Variants in MAIP1 observed in about 807,000 individuals in gnomAD.
MAIP1 encodes m-AAA protease-interacting protein 1, mitochondrial.
In MAIP1, 28 loss-of-function variants were observed where a neutral mutation model predicts 31.2. That is an observed-to-expected ratio of 0.90 (90% CI 0.67 to 1.23). MAIP1 has a LOEUF of 1.23. MAIP1 is among the 50% of genes most tolerant of loss of function. MAIP1 has a pLI of 0.00. For synonymous variants in MAIP1, 142 were observed against 142.3 expected (o/e 1.00, Z 0.02); for missense variants, 339 against 356.0 (o/e 0.95, Z 0.38).
Position 199,959,822 on chromosome 2 carries a change from C to A in MAIP1, c.591C>A (p.Asn197Lys), listed in dbSNP as rs368436352. Residue 197 changes from asparagine to lysine, a missense_variant, in exon 3 of 5, where the codon AAC becomes AAA. Coordinates refer to ENST00000392290, the MANE Select transcript of MAIP1 (RefSeq NM_001394955.1). ...PDNHKNALAANIDEIVFTSTG... is the reference protein window; with the variant it reads ...PDNHKNALAAKIDEIVFTSTG... ...ACCATAAAAATGCCCTTGCTGCTAA[C>A]ATAGATGAAATTGTATTTACATCAA... is the stretch of plus-strand genomic sequence containing the variant. The A allele has an allele frequency of 6.2e-7, 1 of 1,611,350 alleles. No individual in the cohort carries two copies. The highest frequency in any genetic ancestry group is 8.5e-7 in the Non-Finnish European group (1 of 1,178,030).
At chr2:199,960,159 G>T (rs754624131) in intron 3 of MAIP1, among the ~76,000 whole-genome samples, 1 of 152,088 alleles carries the variant, frequency 6.6e-6, no homozygotes, top group Non-Finnish European at 1.5e-5. Context: ...TGGCTCCCAC[G>T]TCTCAAATAG....
intron 4 of MAIP1, among the ~76,000 whole-genome samples, chr2:199,963,299 A>G (rs2077645860): frequency 6.6e-6 from 1 of 152,190 alleles, no homozygotes; most frequent in East Asian, 1.9e-4. Flanking sequence ...CTAAATTGGT[A>G]ACAGTGCTAT....
At chr2:199,956,765 G>A (rs2077608088) in intron 1 of MAIP1, among the ~76,000 whole-genome samples, 1 of 152,192 alleles carries the variant, frequency 6.6e-6, no homozygotes, top group Non-Finnish European at 1.5e-5. Flanking sequence ...CTTCCTGCCA[G>A]CTATTAGACA....
chr2:199,963,699 G>A, intron 4 of MAIP1, 34 bp from the exon 5 acceptor site: 3 of 1,349,478 alleles, frequency 2.2e-6, no homozygotes, highest in Non-Finnish European at 3.2e-6. Flanking sequence ...TTGGACTGAT[G>A]TAAGATTTAC....
chr2:199,955,611 G>T lies in MAIP1; in HGVS notation c.-188G>T. ...TCCAGAGTGGCTGGGTCCGAGCGCG[G>T]GGCGGGTTGCCGAAGGGCCTCGGCC... On this transcript the variant is annotated 5_prime_UTR_variant, in exon 1 of 5. Transcript: ENST00000392290. 1 of 1,265,584 alleles carries T rather than the reference G, an allele frequency of 7.9e-7. No individual in the cohort carries two copies. The highest frequency in any genetic ancestry group is 1.1e-6 in the Non-Finnish European group (1 of 929,634). 78.4% of individuals were successfully genotyped at this position (1,265,584 alleles called of 1,614,324 possible). A position where few individuals can be genotyped will look rare whatever the true frequency, so the allele number is the denominator to read the frequency against.
At chr2:199,958,834 C>A (rs1397816492) in intron 1 of MAIP1, among the ~76,000 whole-genome samples, 1 of 152,192 alleles carries the variant, frequency 6.6e-6, no homozygotes, top group Non-Finnish European at 1.5e-5. Context: ...ACATTATCTC[C>A]CATACTGAGA....
upstream of MAIP1, chr2:199,955,437 C>G (rs1223780985): frequency 1.2e-6 from 2 of 1,613,952 alleles, no homozygotes; most frequent in South Asian, 1.1e-5. Context: ...GAAACGCCCT[C>G]CAGCCGGGGT....
chr2:199,956,099 A>C lies in MAIP1; in HGVS notation c.301A>C (p.Lys101Gln). Residue 101 changes from lysine to glutamine, a missense_variant, in exon 1 of 5, where the codon AAG (lysine) becomes CAG (glutamine). Transcript: ENST00000392290. ...TCAGCGCAGCTACAGCACGGAGGAGAAGCCCCAGCAGCACCAGAAAACCAA... is the reference window on the plus strand; with the variant it reads ...TCAGCGCAGCTACAGCACGGAGGAGCAGCCCCAGCAGCACCAGAAAACCAA... ...CPQRSYSTEEKPQQHQKTKMI... is the reference protein window; with the variant it reads ...CPQRSYSTEEQPQQHQKTKMI... 1.9e-6 allele frequency: 3 copies of C among 1,614,126 alleles called. No homozygotes were observed. Among genetic ancestry groups the C allele is most frequent in the Non-Finnish European group, 2.5e-6 (3 of 1,179,996 alleles).
rs1574821757 is a variant in MAIP1 at position 199,961,862 on chromosome 2, G to T, written c.731G>T (p.Ser244Ile). 5.6e-6 allele frequency: 9 copies of T among 1,614,018 alleles called. No homozygotes were observed. The highest frequency in any genetic ancestry group is 7.6e-6 in the Non-Finnish European group (9 of 1,179,886). The change falls in exon 4 of 5, where the codon AGT becomes ATT. Residue 244 changes from serine to isoleucine, a missense_variant. By Grantham distance (142) the Ser-to-Ile change is moderately radical (BLOSUM62 -2). Coordinates refer to ENST00000392290, the MANE Select transcript of MAIP1 (RefSeq NM_001394955.1). Reference protein sequence around the residue: ...NIPSETLRGASVFQVKLGNQN... With the variant: ...NIPSETLRGAIVFQVKLGNQN... ...CCCAGTGAAACTTTAAGAGGAGCCA[G>T]TGTATTCCAGGTTAAGTTGGGGAAT...
chr2:199,962,920 A>T (rs1421501870), intron 4 of MAIP1, among the ~76,000 whole-genome samples: 2 of 152,206 alleles, frequency 1.3e-5, no homozygotes, highest in Admixed American at 6.5e-5. Flanking sequence ...TTATTAAAAA[A>T]ATATGTTGCC....
At position 199,955,867 on chromosome 2, in the gene MAIP1, A is replaced by T; in HGVS notation, c.69A>T (p.Arg23=). The change falls in exon 1 of 5, where the codon CGA becomes CGT. Residue 23 remains arginine, a synonymous_variant. Transcript: ENST00000392290. ...HSRSLPCGAV[R]LRTPAVAEVR... ...GGTCGCTGCCCTGCGGGGCCGTCCG[A>T]CTCCGGACTCCTGCTGTGGCCGAGG... 6.5e-7 allele frequency: 1 copy of T among 1,538,834 alleles called. No individual in the cohort carries two copies. The highest frequency in any genetic ancestry group is 1.3e-5 in the South Asian group (1 of 78,580).
At position 199,961,419 on chromosome 2, in the gene MAIP1, G is replaced by T. The variant is rs78412433; in HGVS notation, c.650-362G>T. 2.6e-5 allele frequency among the ~76,000 whole-genome samples: 4 copies of T among 152,114 alleles called. No individual in the cohort carries two copies. In the East Asian group the frequency reaches 7.7e-4, roughly 29 times the overall value. On this transcript the variant is annotated intron_variant, in intron 3 of 4. Coordinates refer to ENST00000392290, the MANE Select transcript of MAIP1 (RefSeq NM_001394955.1). ...GCGGAAGTTGCAGTGAGCCGATACT[G>T]CGCCACTGCACCCCAGCCCGGGTGA...
chr2:199,956,313 C>G, intron 1 of MAIP1, 65 bp downstream of exon 1: 1 of 1,301,434 alleles, frequency 7.7e-7, no homozygotes, highest in African/African-American at 1.5e-5. Context: ...CGCAGAAGTG[C>G]TTAGCAGTGA....
Position 199,956,168 on chromosome 2 carries a change from A to G in MAIP1, c.370A>G (p.Thr124Ala). The G allele has an allele frequency of 1.2e-6, 2 of 1,614,116 alleles. No individual in the cohort carries two copies. The highest frequency in any genetic ancestry group is 2.2e-5 in the South Asian group (2 of 91,082). ...GFSNPINWVR[T>A]RIKAFLIWAY... ...CTCCAACCCCATCAACTGGGTTAGG[A>G]CTCGAATTAAGGCCTTCCTTATCTG... The change falls in exon 1 of 5, where the codon ACT becomes GCT. Residue 124 changes from threonine to alanine, a missense_variant. Transcript: ENST00000392290.
At chr2:199,955,503 G>A (rs757070212), upstream of MAIP1, 9 of 1,608,998 alleles carry the variant, frequency 5.6e-6, no homozygotes, top group African/African-American at 1.1e-4. Context: ...CCAGGTCTTC[G>A]GAACTTCGGC....
rs2077595627 is a variant in MAIP1 at position 199,955,713 on chromosome 2, C to G, written c.-86C>G. 7.4e-7 allele frequency: 1 copy of G among 1,351,812 alleles called. No individual in the cohort carries two copies. Among genetic ancestry groups the G allele is most frequent in the South Asian group, 1.4e-5 (1 of 70,472 alleles). 83.7% of individuals were successfully genotyped at this position (1,351,812 alleles called of 1,614,324 possible). ...CAACAGGTCCACTTTGCTCTCCAGT[C>G]TCTTTCTCCGACACCGCTGAGGCGG... On this transcript the variant is annotated 5_prime_UTR_variant, in exon 1 of 5. Transcript: ENST00000392290.
In MAIP1 at chr2:199,955,666, GC is replaced by G; in HGVS notation, c.-131del. 1.8e-6 allele frequency: 2 copies of G among 1,121,088 alleles called. No individual in the cohort carries two copies. The highest frequency in any genetic ancestry group is 2.5e-6 in the Non-Finnish European group (2 of 806,416). 69.4% of individuals were successfully genotyped at this position (1,121,088 alleles called of 1,614,324 possible). On this transcript the variant is annotated 5_prime_UTR_variant, in exon 1 of 5. Coordinates refer to ENST00000392290, the MANE Select transcript of MAIP1 (RefSeq NM_001394955.1). ...CTGCGTGCTGGAGAGCGGGGACGGGGCCGACTCACCAGAGGCTGCAGCAACA... is the reference window on the plus strand; with the variant it reads ...CTGCGTGCTGGAGAGCGGGGACGGGGCGACTCACCAGAGGCTGCAGCAACA...
chr2:199,956,095 G>A lies in MAIP1; in HGVS notation c.297G>A (p.Glu99=). The change falls in exon 1 of 5, where the codon GAG becomes GAA. Residue 99 remains glutamate (E), a synonymous_variant. Coordinates refer to ENST00000392290, the MANE Select transcript of MAIP1 (RefSeq NM_001394955.1). ...GCCCTCAGCGCAGCTACAGCACGGA[G>A]GAGAAGCCCCAGCAGCACCAGAAAA... The part of the protein sequence containing the change: ...PACPQRSYST[E]EKPQQHQKTK... The A allele has an allele frequency of 6.2e-7, 1 of 1,614,138 alleles. No homozygotes were observed. The highest frequency in any genetic ancestry group is 2.2e-5 in the East Asian group (1 of 44,876).
chr2:199,955,556 A>G (rs2105720958), upstream of MAIP1: 1 of 1,526,328 alleles, frequency 6.6e-7, no homozygotes, highest in Non-Finnish European at 8.9e-7. Context: ...AACACGAGCG[A>G]CAGAGAAAAG....
Sources: gnomAD v4.1 joint callset for allele counts (sites outside exome capture counted in the v4.1 genomes callset) on GRCh38, gnomAD v4.1.1 for gene constraint, MANE v1.5 for transcripts, NCBI Gene and HGNC (gene_info 2026-07-23, HGNC 2026-07-21) for gene names.